Variants in CTNNA3 observed in about 807,000 individuals in gnomAD.
CTNNA3 encodes the protein catenin alpha 3.
Under a neutral mutation model 95.7 loss-of-function variants are expected in CTNNA3, and 76 were observed. The ratio of observed to expected loss-of-function variants is 0.79; its 90% CI spans 0.66 to 0.96. The LOEUF is 0.96. Among genes scored for constraint, CTNNA3 ranks in the 40% least tolerant of loss-of-function variants. The pLI is 0.00. For synonymous variants in CTNNA3, 431 were observed against 374.4 expected, an observed-to-expected ratio of 1.15 and a Z score of -1.74; for missense variants, 1,191 against 1,089.8, an observed-to-expected ratio of 1.09 and a Z score of -1.31.
At position 67,558,528 on chromosome 10, in the gene CTNNA3, C is replaced by A. The variant is rs556428275; in HGVS notation, c.293-18859G>T. On this transcript the variant is annotated intron_variant, in intron 3 of 17. Coordinates refer to ENST00000433211, the MANE Select transcript of CTNNA3 (RefSeq NM_013266.4). ...GGCAGCCAAGATGGCCGAATAGGAACAGCGCCGGTCTACAGCTCCCAGCGT... is the reference window on the plus strand; with the variant it reads ...GGCAGCCAAGATGGCCGAATAGGAAAAGCGCCGGTCTACAGCTCCCAGCGT... 5.9e-5 allele frequency among the ~76,000 whole-genome samples: 9 copies of A among 152,344 alleles called. No homozygotes were observed. In the South Asian group the frequency reaches 1.9e-3, roughly 32 times the overall value.
chr10:67,396,513 G>C (rs1844711569), intron 5 of CTNNA3, among the ~76,000 whole-genome samples: 1 of 152,088 alleles, frequency 6.6e-6, no homozygotes, highest in Non-Finnish European at 1.5e-5. Flanking sequence ...ACCCCACACA[G>C]ATTTTCAGCT....
chr10:66,897,815 T>A (rs997364710), intron 7 of CTNNA3, among the ~76,000 whole-genome samples: 1 of 152,120 alleles, frequency 6.6e-6, no homozygotes, highest in African/African-American at 2.4e-5. Context: ...AACATAAACA[T>A]GCAAAATATT....
intron 7 of CTNNA3, among the ~76,000 whole-genome samples, chr10:66,855,738 C>G (rs1332505629): frequency 2.6e-5 from 4 of 151,988 alleles, no homozygotes; most frequent in Non-Finnish European, 4.4e-5. Context: ...TTTTCAAAAG[C>G]TATCTTGCAT....
chr10:66,300,301 C>T (rs970686128), intron 12 of CTNNA3, among the ~76,000 whole-genome samples: 1 of 152,094 alleles, frequency 6.6e-6, no homozygotes, highest in Non-Finnish European at 1.5e-5. Context: ...AGTACACTTG[C>T]AAGGCATGAA....
At chr10:66,034,520 C>T (rs546527625) in intron 15 of CTNNA3, among the ~76,000 whole-genome samples, 323 of 152,300 alleles carry the variant, frequency 2.1e-3, no homozygotes, top group African/African-American at 7.5e-3. Flanking sequence ...GCCCTGTGCT[C>T]AGTGACAGGA....
At chr10:67,587,979 G>A (rs866286423) in intron 3 of CTNNA3, among the ~76,000 whole-genome samples, 8 of 151,710 alleles carry the variant, frequency 5.3e-5, no homozygotes, top group South Asian at 2.1e-4. Flanking sequence ...TTTTTTCTAC[G>A]TAGTCTAGTC....
At chr10:67,359,568 T>C (rs1330388260) in intron 5 of CTNNA3, among the ~76,000 whole-genome samples, 2 of 152,282 alleles carry the variant, frequency 1.3e-5, no homozygotes, top group African/African-American at 4.8e-5. Flanking sequence ...AAAATTTTAC[T>C]GCAGAAATTT....
At chr10:67,051,998 G>A (rs147220518) in intron 7 of CTNNA3, among the ~76,000 whole-genome samples, 3,569 of 151,798 alleles carry the variant, frequency 0.024, 145 homozygotes, top group African/African-American at 0.08. Context: ...CAGGTGACCC[G>A]CCCACCTCAG....
intron 9 of CTNNA3, among the ~76,000 whole-genome samples, chr10:66,650,217 G>T (rs553504617): frequency 1.1e-4 from 16 of 152,184 alleles, no homozygotes; most frequent in African/African-American, 3.6e-4. Context: ...ATTCACAAGA[G>T]CTTAAGAACC....
intron 2 of CTNNA3, among the ~76,000 whole-genome samples, chr10:67,624,199 A>T (rs1843945653): frequency 6.6e-6 from 1 of 152,136 alleles, no homozygotes; most frequent in Admixed American, 6.5e-5. Context: ...TAATCTGCCT[A>T]ATGTCCAGAC....
intron 12 of CTNNA3, among the ~76,000 whole-genome samples, chr10:66,298,080 G>T (rs28416495): frequency 0.054 from 8,183 of 152,202 alleles, 446 homozygotes; most frequent in African/African-American, 0.13. Context: ...TTCATTGTTT[G>T]TGTATGTGCA....
intron 15 of CTNNA3, among the ~76,000 whole-genome samples, chr10:66,028,234 TC>T (rs1445264609): frequency 6.6e-6 from 1 of 152,088 alleles, no homozygotes. Flanking sequence ...GACCCAGCCA[TC>T]CCCATTACTG....
intron 10 of CTNNA3, among the ~76,000 whole-genome samples, chr10:66,620,721 T>C (rs1202255391): frequency 1.3e-5 from 2 of 152,156 alleles, no homozygotes; most frequent in East Asian, 1.9e-4. Flanking sequence ...TCCAGCTTGT[T>C]CTTACTTGTT....
At position 67,244,335 on chromosome 10, in the gene CTNNA3, C is replaced by T. The variant is rs980105739; in HGVS notation, c.580-24465G>A. On this transcript the variant is annotated intron_variant, in intron 5 of 17. Coordinates refer to ENST00000433211, the MANE Select transcript of CTNNA3 (RefSeq NM_013266.4). The stretch of plus-strand genomic sequence containing the variant: ...ACCTAATTTCTAACACATTCCCCAA[C>T]AGAAACAAGACTGAGAAGAATGCAG... 2.0e-5 allele frequency among the ~76,000 whole-genome samples: 3 copies of T among 152,162 alleles called. No individual in the cohort carries two copies. The South Asian group carries it at 6.2e-4, about 32-fold the overall frequency.
chr10:66,608,610 T>C (rs898552481), intron 10 of CTNNA3, among the ~76,000 whole-genome samples: 1 of 151,612 alleles, frequency 6.6e-6, no homozygotes, highest in Admixed American at 6.6e-5. Flanking sequence ...TGGAATAGAA[T>C]AGAGTATCCA....
Position 67,224,622 on chromosome 10 carries a change from C to T in CTNNA3, c.580-4752G>A, listed in dbSNP as rs915493104. 5.9e-5 allele frequency among the ~76,000 whole-genome samples: 9 copies of T among 151,982 alleles called. 1 individual carries two copies. Among genetic ancestry groups the T allele is most frequent in the African/African-American group, 1.9e-4 (8 of 41,374 alleles). ...ACTGGGGCAAATGAAGGTCTGTTTG[C>T]GGGAGAAGTTTCTGACCTTACCTGG... On this transcript the variant is annotated intron_variant, in intron 5 of 17. Transcript: ENST00000433211.
At chr10:66,739,165 T>G (rs1190763579) in intron 9 of CTNNA3, among the ~76,000 whole-genome samples, 1 of 152,210 alleles carries the variant, frequency 6.6e-6, no homozygotes, top group Non-Finnish European at 1.5e-5. Context: ...TCTAATCACT[T>G]CTGGATCCAT....
intron 17 of CTNNA3, 58 bp from the exon 18 acceptor site, chr10:65,920,675 C>T: frequency 1.9e-6 from 3 of 1,557,700 alleles, no homozygotes; most frequent in Non-Finnish European, 2.6e-6. Flanking sequence ...TTAATTATTG[C>T]CAAGCGTGGG....
rs539638553 is a variant in CTNNA3, at chr10:66,189,600, T to TTATATATATATATATA, written c.1885-86367_1885-86352dup. 3.1e-3 allele frequency among the ~76,000 whole-genome samples: 276 copies of TTATATATATATATATA among 89,296 alleles called. 7 individuals are homozygous for TTATATATATATATATA. The highest frequency in any genetic ancestry group is 0.012 in the African/African-American group (260 of 21,488). The allele number at this position is 89,296 out of a possible 152,430, so 58.6% of individuals were successfully genotyped here. On this transcript the variant is annotated intron_variant, in intron 13 of 17. Coordinates refer to ENST00000433211, the MANE Select transcript of CTNNA3 (RefSeq NM_013266.4). ...CCATACTGTTTTAGTTACTATAGAT[T>TTATATATATATATATA]TATATATATATATATATACACACAT...
Sources: gnomAD v4.1 joint callset for allele counts (sites outside exome capture counted in the v4.1 genomes callset) on GRCh38, gnomAD v4.1.1 for gene constraint, MANE v1.5 for transcripts, NCBI Gene and HGNC (gene_info 2026-07-23, HGNC 2026-07-21) for gene names.